FOXP1: variants seen among roughly 807,000 people sequenced by gnomAD.
FOXP1 encodes the protein forkhead box protein P1.
FOXP1 carries 15 observed loss-of-function variants against 98.2 expected under a neutral mutation model. The observed-to-expected ratio is 0.15, with a 90% CI of 0.10 to 0.24. FOXP1 has a LOEUF of 0.24. Ranked by LOEUF, FOXP1 falls within the 10% of genes least tolerant of loss-of-function variation. FOXP1 has a pLI of 1.00. For synonymous variants in FOXP1, 371 were observed against 314.5 expected (o/e 1.18, Z -1.90); for missense variants, 633 against 848.5 (o/e 0.75, Z 3.15).
At chr3:71,241,767 A>C (rs2067302969) in intron 5 of FOXP1, among the ~76,000 whole-genome samples, 1 of 152,260 alleles carries the variant, frequency 6.6e-6, no homozygotes, top group Non-Finnish European at 1.5e-5. Flanking sequence ...CGGCATCATC[A>C]TTACAGGGCT....
At chr3:71,540,087 G>T (rs1287974403) in intron 2 of FOXP1, among the ~76,000 whole-genome samples, 1 of 152,196 alleles carries the variant, frequency 6.6e-6, no homozygotes, top group African/African-American at 2.4e-5. Flanking sequence ...TCAAGCCCTA[G>T]GTTGGTCTTA....
At chr3:71,435,087 C>A (rs909741671) in intron 3 of FOXP1, among the ~76,000 whole-genome samples, 7 of 149,400 alleles carry the variant, frequency 4.7e-5, no homozygotes, top group Non-Finnish European at 1.0e-4. Flanking sequence ...TTCTTTTTCT[C>A]ATAAGAGCTT....
intron 2 of FOXP1, among the ~76,000 whole-genome samples, chr3:71,526,102 C>G (rs1394029073): frequency 6.6e-6 from 1 of 151,250 alleles, no homozygotes; most frequent in Non-Finnish European, 1.5e-5. Context: ...GACTGGATGA[C>G]AGAGGGAGAC....
chr3:71,201,260 C>T (rs1287173976), intron 5 of FOXP1, among the ~76,000 whole-genome samples: 1 of 152,150 alleles, frequency 6.6e-6, no homozygotes, highest in Non-Finnish European at 1.5e-5. Context: ...GTGCCTTGTT[C>T]ATCACCAAAA....
At chr3:71,392,861 G>A (rs554994862) in intron 3 of FOXP1, among the ~76,000 whole-genome samples, 3 of 152,160 alleles carry the variant, frequency 2.0e-5, no homozygotes, top group Non-Finnish European at 2.9e-5. Context: ...TTATTTTACC[G>A]TTTGGAAGGG....
chr3:71,166,841 G>C (rs868735400), intron 6 of FOXP1, among the ~76,000 whole-genome samples: 24 of 151,910 alleles, frequency 1.6e-4, no homozygotes, highest in African/African-American at 5.8e-4. Flanking sequence ...CTCTGTGTGT[G>C]TGTCTACATA....
intron 9 of FOXP1, among the ~76,000 whole-genome samples, chr3:71,050,563 T>G (rs1478190381): frequency 2.0e-5 from 3 of 152,210 alleles, no homozygotes. Context: ...TCCATAATTC[T>G]TATTCTCCCT....
At chr3:71,179,451 T>A (rs2062154822) in intron 6 of FOXP1, among the ~76,000 whole-genome samples, 1 of 152,144 alleles carries the variant, frequency 6.6e-6, no homozygotes, top group African/African-American at 2.4e-5. Flanking sequence ...TGGAATTACC[T>A]GGCACAGCTG....
chr3:71,308,312 T>C (rs532093658), intron 4 of FOXP1, among the ~76,000 whole-genome samples: 2 of 152,260 alleles, frequency 1.3e-5, no homozygotes, highest in Non-Finnish European at 2.9e-5. Context: ...ATGCACTTCA[T>C]CTCGGCGGAA....
rs1553648184 is a variant in FOXP1 at position 70,955,832 on chromosome 3, G to GCGCA, written c.*3414_*3415insTGCG. 3.9e-4 allele frequency: 86 copies of GCGCA among 221,634 alleles called. No individual in the cohort carries two copies. Among genetic ancestry groups the GCGCA allele is most frequent in the African/African-American group, 1.8e-3 (78 of 44,218 alleles). 13.7% of individuals were successfully genotyped at this position (221,634 alleles called of 1,614,324 possible). On this transcript the variant is annotated 3_prime_UTR_variant, in exon 21 of 21. Transcript: ENST00000649528. ...AACAGATTAACACACACGCACGCGC[G>GCGCA]CACACACACACACACACACACACAA...
At chr3:71,516,931 A>C (rs1004219974) in intron 2 of FOXP1, among the ~76,000 whole-genome samples, 1 of 152,138 alleles carries the variant, frequency 6.6e-6, no homozygotes, top group Non-Finnish European at 1.5e-5. Context: ...TGAAGCACCC[A>C]TCCAGGGCCA....
chr3:71,413,725 C>T (rs904281944), intron 3 of FOXP1, among the ~76,000 whole-genome samples: 1 of 152,060 alleles, frequency 6.6e-6, no homozygotes, highest in African/African-American at 2.4e-5. Context: ...TACCAAACAG[C>T]ATGTACGGTA....
intron 5 of FOXP1, among the ~76,000 whole-genome samples, chr3:71,282,252 C>A (rs1052531096): frequency 6.6e-6 from 1 of 152,062 alleles, no homozygotes; most frequent in Non-Finnish European, 1.5e-5. Context: ...ATTCAAAAAT[C>A]ATTTCTTTTT....
intron 3 of FOXP1, among the ~76,000 whole-genome samples, chr3:71,379,948 C>T (rs831074): frequency 0.92 from 140,331 of 152,302 alleles, 65,758 homozygotes; most frequent in East Asian, 1. Context: ...TAAAGCCTTC[C>T]TCTAGATAGA....
intron 18 of FOXP1, 78 bp from the exon 19 acceptor site, chr3:70,970,883 T>TGCTGGTGCCCTTCCAAATGAGCAA: frequency 2.7e-6 from 3 of 1,121,348 alleles, no homozygotes; most frequent in Admixed American, 3.4e-5. Context: ...GTTTTAAGCT[T>TGCTGGTGCCCTTCCAAATGAGCAA]GCTGGTGCCC....
intron 9 of FOXP1, 30 bp from the exon 10 acceptor site, chr3:71,047,125 T>A: frequency 6.2e-7 from 1 of 1,613,380 alleles, no homozygotes; most frequent in Middle Eastern, 1.7e-4. Flanking sequence ...AAAAATGAGA[T>A]GGCCACTTCC....
At chr3:70,998,617 G>C (rs954700883) in intron 13 of FOXP1, among the ~76,000 whole-genome samples, 3 of 152,068 alleles carry the variant, frequency 2.0e-5, no homozygotes, top group African/African-American at 4.8e-5. Flanking sequence ...CTAACTTCTG[G>C]CCAGATCATC....
At chr3:71,128,123 C>T (rs898063073) in intron 6 of FOXP1, among the ~76,000 whole-genome samples, 1 of 152,066 alleles carries the variant, frequency 6.6e-6, no homozygotes, top group Non-Finnish European at 1.5e-5. Flanking sequence ...GGTCTTGATA[C>T]GACTGGGCCA....
At chr3:71,232,571 G>A (rs570431773) in intron 5 of FOXP1, among the ~76,000 whole-genome samples, 1 of 151,968 alleles carries the variant, frequency 6.6e-6, no homozygotes, top group African/African-American at 2.4e-5. Context: ...AAATGAAACA[G>A]AGAATAGAAA....
Sources: allele counts gnomAD v4.1 joint callset (sites outside exome capture counted in the v4.1 genomes callset), GRCh38; gene constraint gnomAD v4.1.1; transcripts MANE v1.5; gene names NCBI Gene and HGNC (gene_info 2026-07-23, HGNC 2026-07-21).